Variants in ESRRG observed in about 807,000 individuals in gnomAD.
ESRRG encodes estrogen-related receptor gamma.
Under a neutral mutation model 44.0 loss-of-function variants are expected in ESRRG, and 13 were observed. That is an observed-to-expected ratio of 0.30 (90% CI 0.19 to 0.47). The LOEUF (loss-of-function observed/expected upper bound fraction) is 0.47, where lower values mean the gene tolerates loss of function less well. Ranked by LOEUF, ESRRG falls within the 20% of genes least tolerant of loss-of-function variation. The pLI, the probability that ESRRG is intolerant of heterozygous loss-of-function variation, is 1.00. For missense variants in ESRRG, 395 were observed against 580.6 expected, an observed-to-expected ratio of 0.68 and a Z score of 3.29; for synonymous variants, 215 against 214.6, an observed-to-expected ratio of 1.00 and a Z score of -0.02.
intron 3 of ESRRG, among the ~76,000 whole-genome samples, chr1:216,582,627 G>A (rs1244801289): frequency 6.6e-6 from 1 of 152,124 alleles, no homozygotes; most frequent in Non-Finnish European, 1.5e-5. Context: ...TTTTAGTAGA[G>A]ATGGGGTTTC....
At chr1:216,702,106 T>A (rs1226350709) in intron 1 of ESRRG, among the ~76,000 whole-genome samples, 1 of 152,232 alleles carries the variant, frequency 6.6e-6, no homozygotes, top group Non-Finnish European at 1.5e-5. Context: ...CTAATTAATT[T>A]TCTTCTGGGT....
At chr1:216,691,515 G>C (rs1384344915) in intron 1 of ESRRG, among the ~76,000 whole-genome samples, 1 of 152,160 alleles carries the variant, frequency 6.6e-6, no homozygotes, top group Admixed American at 6.5e-5. Context: ...AAATCATAGA[G>C]CACATTTCTT....
At chr1:217,059,222 T>C (rs2087823381) in intron 1 of ESRRG, among the ~76,000 whole-genome samples, 1 of 150,174 alleles carries the variant, frequency 6.7e-6, no homozygotes, top group East Asian at 2.0e-4. Context: ...ATTACTATTA[T>C]ATAATAATTA....
chr1:216,546,128 C>G (rs368738956), intron 5 of ESRRG, among the ~76,000 whole-genome samples: 2 of 151,966 alleles, frequency 1.3e-5, no homozygotes, highest in Admixed American at 6.6e-5. Flanking sequence ...TTGTCCTGTG[C>G]GAGGTAGGCT....
chr1:216,760,876 A>T (rs1291678784), intron 2 of ESRRG, among the ~76,000 whole-genome samples: 3 of 152,132 alleles, frequency 2.0e-5, no homozygotes, highest in Non-Finnish European at 4.4e-5. Flanking sequence ...GTGGGAGGTG[A>T]TAAAACATCC....
At chr1:217,108,425 A>C (rs2092623719) in intron 1 of ESRRG, among the ~76,000 whole-genome samples, 1 of 152,090 alleles carries the variant, frequency 6.6e-6, no homozygotes. Context: ...CCATTAGTCC[A>C]TACAATCTTC....
chr1:217,018,446 T>C (rs1158014126), intron 1 of ESRRG, among the ~76,000 whole-genome samples: 2 of 152,144 alleles, frequency 1.3e-5, no homozygotes, highest in Non-Finnish European at 2.9e-5. Flanking sequence ...TGCCCTTCCA[T>C]AATTCTACTC....
chr1:216,592,430 A>G (rs1271834460), intron 3 of ESRRG, among the ~76,000 whole-genome samples: 1 of 151,490 alleles, frequency 6.6e-6, no homozygotes, highest in East Asian at 1.9e-4. Context: ...TTCTTTTTCC[A>G]CACCTCTTAT....
chr1:216,688,223 T>C (rs765488244), intron 1 of ESRRG, among the ~76,000 whole-genome samples: 6 of 152,134 alleles, frequency 3.9e-5, no homozygotes, highest in Non-Finnish European at 7.4e-5. Context: ...AAAAATAAAA[T>C]AGAAGCAGGT....
intron 3 of ESRRG, among the ~76,000 whole-genome samples, chr1:216,649,587 A>G (rs2068452428): frequency 6.6e-6 from 1 of 151,972 alleles, no homozygotes; most frequent in South Asian, 2.1e-4. Flanking sequence ...TTGTTCTTAT[A>G]TATATATTTA....
chr1:216,941,595 G>A (rs1349986476), intron 1 of ESRRG, among the ~76,000 whole-genome samples: 1 of 152,122 alleles, frequency 6.6e-6, no homozygotes, highest in Non-Finnish European at 1.5e-5. Flanking sequence ...GGGAGACGGT[G>A]GGGCATTGGA....
intron 1 of ESRRG, among the ~76,000 whole-genome samples, chr1:216,993,931 T>G (rs966724730): frequency 6.6e-6 from 1 of 152,238 alleles, no homozygotes; most frequent in African/African-American, 2.4e-5. Context: ...TCACTTTTTC[T>G]CTAATACATT....
intron 2 of ESRRG, among the ~76,000 whole-genome samples, chr1:216,931,835 C>CAAAAAAAAAAAAAAAAAAA (rs56050369): frequency 7.6e-6 from 1 of 130,976 alleles, no homozygotes. Context: ...TGAGAAACCA[C>CAAAAAAAAAAAAAAAAAAA]AAAAAAAAAA....
chr1:217,109,486 C>A (rs1053352667), intron 1 of ESRRG, among the ~76,000 whole-genome samples: 10 of 152,156 alleles, frequency 6.6e-5, no homozygotes, highest in African/African-American at 2.4e-4. Flanking sequence ...ATGTTCTGGG[C>A]TGAACTAAAT....
At chr1:217,061,225 A>G (rs924148058) in intron 1 of ESRRG, among the ~76,000 whole-genome samples, 5 of 152,118 alleles carry the variant, frequency 3.3e-5, no homozygotes, top group African/African-American at 1.2e-4. Flanking sequence ...CAACCTCCCT[A>G]TCACCAGAGC....
At chr1:216,979,195 C>T (rs2073501825) in intron 1 of ESRRG, among the ~76,000 whole-genome samples, 1 of 152,134 alleles carries the variant, frequency 6.6e-6, no homozygotes, top group Non-Finnish European at 1.5e-5. Context: ...TCTTCTTCTG[C>T]CCCAGTTCCT....
At chr1:216,782,577 G>A (rs1194728256) in intron 2 of ESRRG, among the ~76,000 whole-genome samples, 4 of 151,844 alleles carry the variant, frequency 2.6e-5, no homozygotes, top group Non-Finnish European at 5.9e-5. Flanking sequence ...TTTAAGGTTA[G>A]CACTTAACAG....
intron 2 of ESRRG, among the ~76,000 whole-genome samples, chr1:216,857,721 T>TAAAA (rs10574748): frequency 7.8e-6 from 1 of 128,576 alleles, no homozygotes. Flanking sequence ...AAGCCAGATT[T>TAAAA]AAAAAAAAAA....
chr1:216,509,397 C>A (rs545090234), intron 6 of ESRRG, among the ~76,000 whole-genome samples: 19 of 152,300 alleles, frequency 1.2e-4, no homozygotes, highest in African/African-American at 4.6e-4. Flanking sequence ...TTTCCTAAAT[C>A]TGTCTCCAAA....
Sources: allele counts gnomAD v4.1 joint callset (sites outside exome capture counted in the v4.1 genomes callset), GRCh38; gene constraint gnomAD v4.1.1; transcripts MANE v1.5; gene names NCBI Gene and HGNC (gene_info 2026-07-23, HGNC 2026-07-21).